Variants in PRDM16 observed in about 807,000 individuals in gnomAD.
The protein encoded by PRDM16 is histone-lysine N-methyltransferase PRDM16.
In PRDM16, 23 loss-of-function variants were observed where a neutral mutation model predicts 110.6. The ratio of observed to expected loss-of-function variants is 0.21; its 90% CI spans 0.15 to 0.29. The LOEUF (loss-of-function observed/expected upper bound fraction) is 0.29. PRDM16 is among the 10% of genes least tolerant of loss of function. PRDM16 has a pLI of 1.00. For missense variants in PRDM16, 1,615 were observed against 1,794.3 expected, an observed-to-expected ratio of 0.90 and a Z score of 1.81; for synonymous variants, 799 against 781.8, an observed-to-expected ratio of 1.02 and a Z score of -0.37.
At chr1:3,198,720 G>A (rs1331228794) in intron 2 of PRDM16, among the ~76,000 whole-genome samples, 1 of 152,238 alleles carries the variant, frequency 6.6e-6, no homozygotes, top group African/African-American at 2.4e-5. Context: ...GGCTGGGGCA[G>A]GGATTACCAG....
At position 3,288,358 on chromosome 1, in the gene PRDM16, C is replaced by G. The variant is rs191852084; in HGVS notation, c.438+44221C>G. Among the ~76,000 whole-genome samples, 24 of 152,332 alleles carry G rather than the reference C, an allele frequency of 1.6e-4. No homozygotes were observed. In the South Asian group the frequency reaches 4.3e-3, roughly 28 times the overall value. On this transcript the variant is annotated intron_variant, in intron 3 of 16. Coordinates refer to ENST00000270722, the MANE Select transcript of PRDM16 (RefSeq NM_022114.4). ...GGCAGCTGGGACCCTTCCCACTCCC[C>G]GCTCTGTCTCTCTCCACCTCAGTTT...
chr1:3,114,398 G>A (rs1438487241), intron 1 of PRDM16, among the ~76,000 whole-genome samples: 32 of 128,348 alleles, frequency 2.5e-4, no homozygotes, highest in African/African-American at 6.9e-4. Flanking sequence ...GCGCACGCAC[G>A]CGCACACACA....
At chr1:3,082,262 G>A (rs1004582317) in intron 1 of PRDM16, among the ~76,000 whole-genome samples, 3 of 152,190 alleles carry the variant, frequency 2.0e-5, no homozygotes, top group Non-Finnish European at 2.9e-5. Context: ...TCTTCCTTGA[G>A]GGGAAGTTTT....
intron 1 of PRDM16, among the ~76,000 whole-genome samples, chr1:3,071,394 T>C (rs1371004260): frequency 1.3e-5 from 2 of 152,208 alleles, no homozygotes; most frequent in Non-Finnish European, 2.9e-5. Context: ...GGCTTCCTTT[T>C]CCCGAGAGTC....
At chr1:3,169,238 C>T (rs1481489705) in intron 1 of PRDM16, among the ~76,000 whole-genome samples, 1 of 152,130 alleles carries the variant, frequency 6.6e-6, no homozygotes, top group African/African-American at 2.4e-5. Flanking sequence ...TTTGGAACCT[C>T]GGGAAGAAAC....
At position 3,390,561 on chromosome 1, in the gene PRDM16, G is replaced by A. The variant is rs1262082156; in HGVS notation, c.573+5275G>A. ...CCACAGAGTGTTCCGCGCAGGCATTGTGTTAGAAGAGTGGCCGCCGGTGGC... is the reference window on the plus strand; with the variant it reads ...CCACAGAGTGTTCCGCGCAGGCATTATGTTAGAAGAGTGGCCGCCGGTGGC... On this transcript the variant is annotated intron_variant, in intron 4 of 16. Transcript: ENST00000270722. This position sits in a 1 kb window ranked among gnomAD's most constrained non-coding sequence, Gnocchi z 5.0. Among the ~76,000 whole-genome samples, 2 of 152,212 alleles carry A rather than the reference G, an allele frequency of 1.3e-5. No individual in the cohort carries two copies.
At chr1:3,073,977 GCGCCC>G (rs1465027312) in intron 1 of PRDM16, among the ~76,000 whole-genome samples, 6 of 152,196 alleles carry the variant, frequency 3.9e-5, no homozygotes, top group Non-Finnish European at 7.4e-5. Context: ...ATCCCGACCC[GCGCCC>G]CGAGAGACGC....
chr1:3,263,004 G>T (rs1056624412), intron 3 of PRDM16, among the ~76,000 whole-genome samples: 2 of 152,172 alleles, frequency 1.3e-5, no homozygotes, highest in African/African-American at 4.8e-5. Flanking sequence ...TGTTTCAGAT[G>T]GAGGTGCCCC....
chr1:3,336,193 G>C lies in PRDM16; in HGVS notation c.439-48959G>C, dbSNP rs909997419. Among the ~76,000 whole-genome samples, 8 of 152,236 alleles carry C rather than the reference G, an allele frequency of 5.3e-5. No homozygotes were observed. The East Asian group carries it at 1.5e-3, about 29-fold the overall frequency. ...CCAAGATAGCGGGGGACATGCATAT[G>C]TATCGGTGTGTGTATCTTATGTGCG... On this transcript the variant is annotated intron_variant, in intron 3 of 16. Coordinates refer to ENST00000270722, the MANE Select transcript of PRDM16 (RefSeq NM_022114.4).
At chr1:3,321,849 C>A (rs1355067370) in intron 3 of PRDM16, among the ~76,000 whole-genome samples, 1 of 142,936 alleles carries the variant, frequency 7.0e-6, no homozygotes, top group East Asian at 2.2e-4. Flanking sequence ...TGTGTGGGTC[C>A]GTGTGTGAGT....
intron 3 of PRDM16, among the ~76,000 whole-genome samples, chr1:3,347,165 C>T (rs892784633): frequency 5.9e-5 from 9 of 152,310 alleles, no homozygotes; most frequent in Admixed American, 2.0e-4. Flanking sequence ...AAGGGGCAGG[C>T]GGCCGTCCCT....
intron 3 of PRDM16, among the ~76,000 whole-genome samples, chr1:3,322,687 C>T (rs1641788842): frequency 6.6e-6 from 1 of 152,218 alleles, no homozygotes; most frequent in Non-Finnish European, 1.5e-5. Flanking sequence ...GCTGCTTCTC[C>T]CCCAGATGGC....
chr1:3,173,845 T>C (rs570403598), intron 1 of PRDM16, among the ~76,000 whole-genome samples: 29 of 152,338 alleles, frequency 1.9e-4, no homozygotes, highest in African/African-American at 7.0e-4. Flanking sequence ...AAAGCCTTTG[T>C]TCTTCCTCTG....
chr1:3,181,199 TACAC>T (rs1379838934), intron 1 of PRDM16, among the ~76,000 whole-genome samples: 6 of 120,546 alleles, frequency 5.0e-5, no homozygotes, highest in South Asian at 3.1e-4. Context: ...CTTACGGTCT[TACAC>T]ACGGTCTTAC....
Position 3,213,047 on chromosome 1 carries a change from G to A in PRDM16, c.387+26573G>A, listed in dbSNP as rs1169583146. Among the ~76,000 whole-genome samples, 1 of 152,222 alleles carries A rather than the reference G, an allele frequency of 6.6e-6. No individual in the cohort carries two copies. Among genetic ancestry groups the A allele is most frequent in the Non-Finnish European group, 1.5e-5 (1 of 68,034 alleles). On this transcript the variant is annotated intron_variant, in intron 2 of 16. Coordinates refer to ENST00000270722, the MANE Select transcript of PRDM16 (RefSeq NM_022114.4). The surrounding 1 kb of genome is among the most constrained non-coding windows in gnomAD (Gnocchi z 5.3). Reference sequence around the variant, plus strand: ...GGTCTCACCCAGAAAGGAAAGCGGGGTCGGCTCGCCCGCCTGCCGCACGCT... The same window carrying A: ...GGTCTCACCCAGAAAGGAAAGCGGGATCGGCTCGCCCGCCTGCCGCACGCT...
chr1:3,071,687 T>A (rs1295929328), intron 1 of PRDM16, among the ~76,000 whole-genome samples: 1 of 151,728 alleles, frequency 6.6e-6, no homozygotes, highest in Non-Finnish European at 1.5e-5. Flanking sequence ...GGGCCAGCAC[T>A]CCAGCCAGCA....
At chr1:3,135,660 T>G (rs1643422958) in intron 1 of PRDM16, among the ~76,000 whole-genome samples, 1 of 152,182 alleles carries the variant, frequency 6.6e-6, no homozygotes, top group Non-Finnish European at 1.5e-5. Flanking sequence ...AGGGGTCTCC[T>G]CACCCAGCTT....
rs529510251 is a variant in PRDM16, at chr1:3,198,867, C to G, written c.387+12393C>G. Among the ~76,000 whole-genome samples the G allele has an allele frequency of 3.9e-5, 6 of 152,294 alleles. No homozygotes were observed. In the South Asian group the frequency reaches 6.2e-4, roughly 16 times the overall value. On this transcript the variant is annotated intron_variant, in intron 2 of 16. Transcript: ENST00000270722. ...GTTCAATCATGTTCAAAAATACCTA[C>G]GTCCACTCCGTTCCCATTTAGATCT...
rs963728320 is a variant in PRDM16 at position 3,245,042 on chromosome 1, C to G, written c.438+905C>G. 1.3e-5 allele frequency among the ~76,000 whole-genome samples: 2 copies of G among 152,108 alleles called. No homozygotes were observed. The highest frequency in any genetic ancestry group is 6.5e-5 in the Admixed American group (1 of 15,278). ...TTTAGAGAGAGTCACATTTACACAT[C>G]CCCACCCAGACAGCATCGCAGGGGG... On this transcript the variant is annotated intron_variant, in intron 3 of 16. Coordinates refer to ENST00000270722, the MANE Select transcript of PRDM16 (RefSeq NM_022114.4). This position sits in a 1 kb window ranked among gnomAD's most constrained non-coding sequence, Gnocchi z 4.7.
Sources: allele counts gnomAD v4.1 joint callset (sites outside exome capture counted in the v4.1 genomes callset), GRCh38; gene constraint gnomAD v4.1.1; non-coding constraint Gnocchi (gnomAD v3.1); transcripts MANE v1.5; gene names NCBI Gene and HGNC (gene_info 2026-07-23, HGNC 2026-07-21).